The following CAMTA1 variants were observed in gnomAD, a reference collection of about 807,000 sequenced individuals.
The protein encoded by CAMTA1 is calmodulin-binding transcription activator 1.
CAMTA1 carries 27 observed loss-of-function variants against 170.9 expected under a neutral mutation model. The ratio of observed to expected loss-of-function variants is 0.16; its 90% confidence interval spans 0.12 to 0.22. The LOEUF (loss-of-function observed/expected upper bound fraction) is 0.22. Among genes scored for constraint, CAMTA1 ranks in the 10% least tolerant of loss-of-function variants. The pLI, the probability that CAMTA1 is intolerant of heterozygous loss-of-function variation, is 1.00. For missense variants in CAMTA1, 1,619 were observed against 2,217.2 expected, an observed-to-expected ratio of 0.73 and a Z score of 5.42; for synonymous variants, 833 against 891.5, an observed-to-expected ratio of 0.93 and a Z score of 1.17.
At chr1:7,273,074 G>T (rs1290954776) in intron 5 of CAMTA1, among the ~76,000 whole-genome samples, 1 of 152,148 alleles carries the variant, frequency 6.6e-6, no homozygotes, top group Non-Finnish European at 1.5e-5. Context: ...CACTAGGATG[G>T]CTATAACAAA....
At chr1:7,453,318 G>A (rs2092874568) in intron 5 of CAMTA1, among the ~76,000 whole-genome samples, 2 of 152,284 alleles carry the variant, frequency 1.3e-5, no homozygotes, top group South Asian at 2.1e-4. Flanking sequence ...CCCTCTCCCT[G>A]CACCTCCCTC....
chr1:6,952,464 C>G (rs1477579501), intron 3 of CAMTA1, among the ~76,000 whole-genome samples: 2 of 127,026 alleles, frequency 1.6e-5, no homozygotes, highest in Non-Finnish European at 3.3e-5. Context: ...AAAGAGATAA[C>G]ATAGTGAAGA....
intron 6 of CAMTA1, among the ~76,000 whole-genome samples, chr1:7,546,249 C>T (rs998212536): frequency 2.6e-5 from 4 of 152,188 alleles, no homozygotes; most frequent in African/African-American, 7.2e-5. Context: ...AGCCACTGCG[C>T]CCGGCCTGGT....
intron 3 of CAMTA1, among the ~76,000 whole-genome samples, chr1:6,959,498 TC>T (rs1690016209): frequency 7.5e-6 from 1 of 133,048 alleles, no homozygotes; most frequent in South Asian, 2.8e-4. Context: ...GTGTACCGGG[TC>T]CCGGGCAGGG....
intron 6 of CAMTA1, among the ~76,000 whole-genome samples, chr1:7,557,666 G>T (rs540605998): frequency 6.6e-6 from 1 of 152,168 alleles, no homozygotes; most frequent in South Asian, 2.1e-4. Context: ...CCTTTTGCCC[G>T]TCAGTCAATT....
In CAMTA1 at chr1:7,388,731, C is replaced by A. The variant is rs571310461; in HGVS notation, c.439-79099C>A. On this transcript the variant is annotated intron_variant, in intron 5 of 22. Transcript: ENST00000303635. ...CCTGGTTCTGACTGCTGATGCGCCTCCTGGGAGCGTTCCTGCCCATCTCCA... is the reference window on the plus strand; with the variant it reads ...CCTGGTTCTGACTGCTGATGCGCCTACTGGGAGCGTTCCTGCCCATCTCCA... Among the ~76,000 whole-genome samples the A allele has an allele frequency of 3.3e-5, 5 of 152,336 alleles. No homozygotes were observed. The South Asian group carries it at 1.0e-3, about 32-fold the overall frequency.
intron 11 of CAMTA1, among the ~76,000 whole-genome samples, chr1:7,725,951 G>A (rs1343540891): frequency 6.6e-6 from 1 of 152,176 alleles, no homozygotes; most frequent in Non-Finnish European, 1.5e-5. Flanking sequence ...GAACAGGCGG[G>A]TGGGTCACAC....
chr1:7,009,903 G>T (rs1017987550), intron 3 of CAMTA1, among the ~76,000 whole-genome samples: 1 of 152,194 alleles, frequency 6.6e-6, no homozygotes, highest in Non-Finnish European at 1.5e-5. Context: ...GCTCTAGCTT[G>T]GTCCAAAAGG....
At chr1:7,486,218 TG>T (rs2093615559) in intron 6 of CAMTA1, among the ~76,000 whole-genome samples, 1 of 152,226 alleles carries the variant, frequency 6.6e-6, no homozygotes, top group African/African-American at 2.4e-5. Flanking sequence ...GCCTAACAGT[TG>T]GCTCTCCAGG....
At chr1:6,894,305 T>G (rs888940209) in intron 3 of CAMTA1, among the ~76,000 whole-genome samples, 3 of 152,198 alleles carry the variant, frequency 2.0e-5, no homozygotes, top group African/African-American at 7.2e-5. Context: ...TCTATTTCTG[T>G]GAACCCAGTA....
At chr1:7,584,272 G>A (rs1213321906) in intron 6 of CAMTA1, among the ~76,000 whole-genome samples, 2 of 151,980 alleles carry the variant, frequency 1.3e-5, no homozygotes, top group East Asian at 3.9e-4. Flanking sequence ...GGAGAAGTGG[G>A]GATTTATCAG....
At chr1:7,057,821 T>G (rs1307008982) in intron 3 of CAMTA1, among the ~76,000 whole-genome samples, 1 of 152,228 alleles carries the variant, frequency 6.6e-6, no homozygotes, top group African/African-American at 2.4e-5. Context: ...GCTTTGGCCA[T>G]ACAGCCTTCC....
In CAMTA1 at chr1:7,248,189, G is replaced by A. The variant is rs905433348; in HGVS notation, c.303-1302G>A. On this transcript the variant is annotated intron_variant, in intron 4 of 22. Transcript: ENST00000303635. This position sits in a 1 kb window ranked among gnomAD's most constrained non-coding sequence, Gnocchi z 4.0. Reference sequence around the variant, plus strand: ...ACAATAGAATATGAAGCCATCAACAGCCAATGTTCTGTGCTGCTTGTGAAA... The same window carrying A: ...ACAATAGAATATGAAGCCATCAACAACCAATGTTCTGTGCTGCTTGTGAAA... Among the ~76,000 whole-genome samples the A allele has an allele frequency of 6.6e-6, 1 of 152,158 alleles. No homozygotes were observed. Among genetic ancestry groups the A allele is most frequent in the Non-Finnish European group, 1.5e-5 (1 of 68,016 alleles).
chr1:7,093,880 CT>C lies in CAMTA1; in HGVS notation c.302+2511del, dbSNP rs1282182451. 5.3e-5 allele frequency among the ~76,000 whole-genome samples: 8 copies of C among 152,172 alleles called. No homozygotes were observed. Among genetic ancestry groups the C allele is most frequent in the Non-Finnish European group, 8.8e-5 (6 of 68,018 alleles). ...TCCTTTAAAAGCCCTGGTTTTTCTT[CT>C]TCATATAGAAAATGGAGTTGCTGTT... is the stretch of plus-strand genomic sequence containing the variant. On this transcript the variant is annotated intron_variant, in intron 4 of 22. Coordinates refer to ENST00000303635, the MANE Select transcript of CAMTA1 (RefSeq NM_015215.4). This position sits in a 1 kb window ranked among gnomAD's most constrained non-coding sequence, Gnocchi z 4.6.
intron 6 of CAMTA1, among the ~76,000 whole-genome samples, chr1:7,545,401 A>G (rs2094678330): frequency 1.3e-5 from 2 of 152,392 alleles, no homozygotes; most frequent in African/African-American, 4.8e-5. Context: ...CCTGTCTTCA[A>G]TGACATTTTA....
chr1:7,150,805 T>C (rs1259778591), intron 4 of CAMTA1, among the ~76,000 whole-genome samples: 3 of 152,204 alleles, frequency 2.0e-5, no homozygotes, highest in African/African-American at 2.4e-5. Context: ...ACCTGGCTCC[T>C]GGTCAGACAT....
intron 10 of CAMTA1, among the ~76,000 whole-genome samples, 185 bp from the exon 11 acceptor site, chr1:7,677,414 C>T (rs1315029541): frequency 6.6e-6 from 1 of 152,142 alleles, no homozygotes; most frequent in Non-Finnish European, 1.5e-5. Context: ...CTGGGCGAAC[C>T]AAGAAGGTTC....
In CAMTA1 at chr1:7,685,370, C is replaced by T. The variant is rs906655944; in HGVS notation, c.2914+7637C>T. 1.3e-5 allele frequency among the ~76,000 whole-genome samples: 2 copies of T among 152,162 alleles called. No individual in the cohort carries two copies. The highest frequency in any genetic ancestry group is 4.8e-5 in the African/African-American group (2 of 41,432). On this transcript the variant is annotated intron_variant, in intron 11 of 22. Transcript: ENST00000303635. This position sits in a 1 kb window ranked among gnomAD's most constrained non-coding sequence, Gnocchi z 5.7. ...GCCATGGGGCAGCAGGATAGGGCGG[C>T]CTCCCACAGCCACCTGCCATGAACA...
At chr1:6,946,247 C>T (rs536036853) in intron 3 of CAMTA1, among the ~76,000 whole-genome samples, 65 of 150,880 alleles carry the variant, frequency 4.3e-4, no homozygotes, top group African/African-American at 1.6e-3. Flanking sequence ...GGCTGGAGTA[C>T]AGTGGTGTGA....
Sources: allele counts gnomAD v4.1 joint callset (sites outside exome capture counted in the v4.1 genomes callset), GRCh38; gene constraint gnomAD v4.1.1; non-coding constraint Gnocchi (gnomAD v3.1); transcripts MANE v1.5; gene names NCBI Gene and HGNC (gene_info 2026-07-23, HGNC 2026-07-21).